Variants in ESR2 observed in about 807,000 individuals in gnomAD.
ESR2 encodes estrogen receptor 2, also known as estrogen receptor beta.
ESR2 carries 36 observed loss-of-function variants against 49.6 expected under a neutral mutation model. The observed-to-expected ratio is 0.73, with a 90% confidence interval of 0.56 to 0.96. The LOEUF (loss-of-function observed/expected upper bound fraction) is 0.96. Among genes scored for constraint, ESR2 ranks in the 40% least tolerant of loss-of-function variants. The probability of loss-of-function intolerance (pLI) is 0.00; values close to 1 mark genes in which losing one functional copy is unlikely to be tolerated. For missense variants in ESR2, 714 were observed against 693.0 expected (o/e 1.03, Z -0.34); for synonymous variants, 320 against 266.1 (o/e 1.20, Z -1.97).
At chr14:64,304,452 A>G (rs1276368039) in intron 1 of ESR2, among the ~76,000 whole-genome samples, 1 of 152,256 alleles carries the variant, frequency 6.6e-6, no homozygotes, top group African/African-American at 2.4e-5. Context: ...AAGGAAAAAC[A>G]AGGCAAAAGT....
At chr14:64,249,822 T>A (rs1385009501) in intron 6 of ESR2, 143 bp from the exon 7 acceptor site, 3 of 763,146 alleles carry the variant, frequency 3.9e-6, no homozygotes, top group Non-Finnish European at 6.2e-6. Context: ...AACAGGGTGT[T>A]AATGAGACCA....
intron 7 of ESR2, among the ~76,000 whole-genome samples, chr14:64,244,846 T>C (rs2075815423): frequency 6.6e-6 from 1 of 152,218 alleles, no homozygotes; most frequent in South Asian, 2.1e-4. Flanking sequence ...TTGGTTCTGT[T>C]TCTCTGGAGA....
chr14:64,291,896 G>GT (rs201402341), intron 1 of ESR2, among the ~76,000 whole-genome samples: 72 of 148,350 alleles, frequency 4.9e-4, no homozygotes, highest in Admixed American at 8.8e-4. Flanking sequence ...ATGAAAAGTA[G>GT]TTTTTTTTTT....
At chr14:64,306,080 A>G (rs1326538454) in intron 1 of ESR2, among the ~76,000 whole-genome samples, 1 of 152,046 alleles carries the variant, frequency 6.6e-6, no homozygotes, top group African/African-American at 2.4e-5. Context: ...ATGGTGGCGC[A>G]TGCCTGTAAT....
chr14:64,230,898 ATT>A lies in ESR2; in HGVS notation c.*2237_*2238del, dbSNP rs35350228. 24,634 of 110,272 alleles carry A rather than the reference ATT, an allele frequency of 0.22. 1,541 individuals carry two copies. Among genetic ancestry groups the A allele is most frequent in the Middle Eastern group, 0.29 (60 of 210 alleles). 6.8% of individuals were successfully genotyped at this position (110,272 alleles called of 1,614,324 possible). On this transcript the variant is annotated 3_prime_UTR_variant, in exon 9 of 9. Coordinates refer to ENST00000341099, the MANE Select transcript of ESR2 (RefSeq NM_001437.3). The stretch of plus-strand genomic sequence containing the variant: ...ATATATATATATATATTTCGTGGCA[ATT>A]TTTTTTTTTTTTTTTTTGAGACAGG...
chr14:64,251,882 T>TA (rs2075995252), intron 6 of ESR2, among the ~76,000 whole-genome samples: 1 of 152,222 alleles, frequency 6.6e-6, no homozygotes, highest in South Asian at 2.1e-4. Context: ...GACAGCCCAG[T>TA]AAAGGTCTTT....
At chr14:64,253,561 TG>T in intron 6 of ESR2, among the ~76,000 whole-genome samples, 1 of 14,172 alleles carries the variant, frequency 7.1e-5, no homozygotes, top group Non-Finnish European at 2.3e-4. Context: ...GTACACTATT[TG>T]TGTGTGTGTG....
chr14:64,297,170 G>A (rs539522636), upstream of ESR2, among the ~76,000 whole-genome samples: 129 of 152,168 alleles, frequency 8.5e-4, no homozygotes, highest in African/African-American at 3.0e-3. Flanking sequence ...CCTACAATGG[G>A]GATTGAAATT....
intron 1 of ESR2, among the ~76,000 whole-genome samples, chr14:64,328,468 A>C (rs1429531632): frequency 6.6e-6 from 1 of 152,178 alleles, no homozygotes; most frequent in Non-Finnish European, 1.5e-5. Flanking sequence ...TAATTCCAAT[A>C]GTCCCAAGAG....
At chr14:64,274,498 TA>T (rs1056370928) in intron 3 of ESR2, among the ~76,000 whole-genome samples, 1 of 152,108 alleles carries the variant, frequency 6.6e-6, no homozygotes, top group African/African-American at 2.4e-5. Context: ...ATCTTTTTTT[TA>T]AAAAAATTAG....
intron 1 of ESR2, chr14:64,330,758 G>A (rs2077445325): frequency 6.6e-6 from 1 of 151,910 alleles, no homozygotes; most frequent in Non-Finnish European, 1.5e-5. Context: ...ACACAGCCCA[G>A]CTAAGTTAAC....
chr14:64,337,857 C>G (rs938260432), intron 1 of ESR2: 3 of 152,032 alleles, frequency 2.0e-5, no homozygotes, highest in African/African-American at 7.2e-5. Flanking sequence ...GTAAAAGAAA[C>G]CCGGTATCTG....
intron 4 of ESR2, among the ~76,000 whole-genome samples, chr14:64,262,349 A>C (rs374136774): frequency 1.8e-4 from 28 of 152,232 alleles, no homozygotes; most frequent in African/African-American, 6.7e-4. Context: ...TCCTGGGCTC[A>C]AGTGATCCTC....
At chr14:64,238,176 T>C (rs1349869167) in intron 7 of ESR2, among the ~76,000 whole-genome samples, 24 of 152,096 alleles carry the variant, frequency 1.6e-4, no homozygotes, top group Non-Finnish European at 2.9e-5. Context: ...TATGTGTCAT[T>C]GTGTTACCCA....
chr14:64,337,948 G>C (rs1267685949), exon 1 of ESR2: 1 of 152,672 alleles, frequency 6.5e-6, no homozygotes, highest in Non-Finnish European at 1.5e-5. Flanking sequence ...TCCTCCAGCA[G>C]AGCAAGCACA....
chr14:64,319,415 AC>A (rs2077299283), intron 1 of ESR2, among the ~76,000 whole-genome samples: 1 of 152,100 alleles, frequency 6.6e-6, no homozygotes, highest in Admixed American at 6.6e-5. Flanking sequence ...GAAAAAAAAA[AC>A]TGACAAGTTG....
Position 64,233,239 on chromosome 14 carries a change from G to T in ESR2, c.1491C>A (p.Ala497=). The T allele has an allele frequency of 6.2e-7, 1 of 1,614,152 alleles. No homozygotes were observed. The highest frequency in any genetic ancestry group is 8.5e-7 in the Non-Finnish European group (1 of 1,180,010). The part of the protein sequence containing the change: ...VYDLLLEMLN[A]HVLRGCKSSI... ...AGGACTTGCACCCGCGAAGCACGTG[G>T]GCATTCAGCATCTCCAGCAGCAGGT... Residue 497 remains alanine, a synonymous_variant, in exon 9 of 9, where the codon GCC becomes GCA. Transcript: ENST00000341099.
chr14:64,269,794 C>G (rs960559010), intron 3 of ESR2, among the ~76,000 whole-genome samples: 2 of 152,200 alleles, frequency 1.3e-5, no homozygotes, highest in African/African-American at 4.8e-5. Context: ...ATAGCAATCT[C>G]TAAGACAATG....
chr14:64,298,873 A>C (rs2076989492), upstream of ESR2, among the ~76,000 whole-genome samples: 1 of 152,176 alleles, frequency 6.6e-6, no homozygotes, highest in South Asian at 2.1e-4. Context: ...TATGCATTTG[A>C]AATCAAACAT....
Sources: gnomAD v4.1 joint callset for allele counts (sites outside exome capture counted in the v4.1 genomes callset) on GRCh38, gnomAD v4.1.1 for gene constraint, MANE v1.5 for transcripts, NCBI Gene and HGNC (gene_info 2026-07-23, HGNC 2026-07-21) for gene names.